CDH20: variants seen among roughly 807,000 people sequenced by gnomAD.
CDH20 encodes the protein cadherin-20.
A neutral mutation model predicts 74.2 loss-of-function variants in CDH20; 29 were observed. The ratio of observed to expected loss-of-function variants is 0.39; its 90% CI spans 0.29 to 0.53. The LOEUF is 0.53. Among genes scored for constraint, CDH20 ranks in the 20% least tolerant of loss-of-function variants. The pLI, the probability that CDH20 is intolerant of heterozygous loss-of-function variation, is 0.69. For missense variants in CDH20, 988 were observed against 1,048.3 expected, an observed-to-expected ratio of 0.94 and a Z score of 0.79; for synonymous variants, 469 against 405.4, an observed-to-expected ratio of 1.16 and a Z score of -1.88.
intron 1 of CDH20, among the ~76,000 whole-genome samples, chr18:61,338,101 AT>A (rs1285993100): frequency 2.0e-5 from 3 of 152,200 alleles, no homozygotes; most frequent in African/African-American, 7.2e-5. Flanking sequence ...AGTTTATTTT[AT>A]CCATCACAAA....
At chr18:61,471,108 T>C (rs1473346935) in intron 1 of CDH20, among the ~76,000 whole-genome samples, 6 of 152,260 alleles carry the variant, frequency 3.9e-5, no homozygotes, top group Non-Finnish European at 4.4e-5. Flanking sequence ...GTACTTCTTT[T>C]TGAAATGGCA....
chr18:61,356,351 T>C (rs1390236672), intron 1 of CDH20, among the ~76,000 whole-genome samples: 1 of 152,242 alleles, frequency 6.6e-6, no homozygotes, highest in Non-Finnish European at 1.5e-5. Context: ...TTTTAAAATA[T>C]ATTTTTCTCA....
intron 5 of CDH20, among the ~76,000 whole-genome samples, chr18:61,504,329 A>G (rs1911485787): frequency 6.6e-6 from 1 of 152,192 alleles, no homozygotes; most frequent in African/African-American, 2.4e-5. Context: ...CAAATGAGGA[A>G]ACATGGACTT....
chr18:61,396,475 A>C (rs1019086502), intron 1 of CDH20, among the ~76,000 whole-genome samples: 2 of 151,982 alleles, frequency 1.3e-5, no homozygotes, highest in Non-Finnish European at 2.9e-5. Flanking sequence ...TTCAAACTCA[A>C]CCTCATCACA....
intron 1 of CDH20, among the ~76,000 whole-genome samples, chr18:61,479,176 T>C (rs1404425469): frequency 6.6e-6 from 1 of 152,064 alleles, no homozygotes; most frequent in African/African-American, 2.4e-5. Context: ...AATTTTTGAG[T>C]CAGTTTTTAT....
rs1017569482 is a variant in CDH20 at position 61,422,598 on chromosome 18, C to T, written c.-152-67804C>T. Among the ~76,000 whole-genome samples, 4 of 152,004 alleles carry T rather than the reference C, an allele frequency of 2.6e-5. No homozygotes were observed. In the East Asian group the frequency reaches 7.7e-4, roughly 29 times the overall value. On this transcript the variant is annotated intron_variant, in intron 1 of 11. Transcript: ENST00000262717. The stretch of plus-strand genomic sequence containing the variant: ...CATTTTTTAAAAAACCTCAAACTTT[C>T]TATGTTCAGGGAAGTATTTTTACTC...
chr18:61,340,254 T>C (rs1401681835), intron 1 of CDH20, among the ~76,000 whole-genome samples: 2 of 71,646 alleles, frequency 2.8e-5, no homozygotes, highest in South Asian at 9.9e-4. Flanking sequence ...TGACCTTAGC[T>C]GAATGAACAA....
chr18:61,386,815 G>T (rs895650073), intron 1 of CDH20, among the ~76,000 whole-genome samples: 9 of 152,016 alleles, frequency 5.9e-5, no homozygotes, highest in Non-Finnish European at 1.3e-4. Context: ...ATTAAAAAAG[G>T]ATAGAATATT....
At chr18:61,461,889 C>T (rs755218083) in intron 1 of CDH20, among the ~76,000 whole-genome samples, 11 of 152,202 alleles carry the variant, frequency 7.2e-5, no homozygotes, top group Non-Finnish European at 1.2e-4. Flanking sequence ...CCTATGCGAA[C>T]GTCTGATTGG....
At position 61,393,019 on chromosome 18, in the gene CDH20, C is replaced by A. The variant is rs1157423529; in HGVS notation, c.-153+59192C>A. On this transcript the variant is annotated intron_variant, in intron 1 of 11. Transcript: ENST00000262717. ...TGGAATTCTGATGCTGAGAACCAGACCCTCTTGAACCTAGTGGCCTTATTT... is the reference window on the plus strand; with the variant it reads ...TGGAATTCTGATGCTGAGAACCAGAACCTCTTGAACCTAGTGGCCTTATTT... 3.3e-5 allele frequency among the ~76,000 whole-genome samples: 5 copies of A among 152,182 alleles called. No individual in the cohort carries two copies. The South Asian group carries it at 1.0e-3, about 32-fold the overall frequency.
chr18:61,347,323 C>CATATATATATATATATAT (rs1568104164), intron 1 of CDH20, among the ~76,000 whole-genome samples: 13 of 68,322 alleles, frequency 1.9e-4, no homozygotes, highest in African/African-American at 8.7e-4. Context: ...TATATATACA[C>CATATATATATATATATAT]ACACACACAC....
intron 4 of CDH20, among the ~76,000 whole-genome samples, chr18:61,501,926 C>G (rs949598875): frequency 6.6e-6 from 1 of 152,064 alleles, no homozygotes; most frequent in African/African-American, 2.4e-5. Flanking sequence ...AATACATGAA[C>G]AGAGAGTTAT....
At position 61,499,298 on chromosome 18, in the gene CDH20, A is replaced by C; in HGVS notation, c.359A>C (p.Gln120Pro). The change falls in exon 3 of 12, where the codon CAG (glutamine) becomes CCG (proline). Residue 120 changes from glutamine to proline, a missense_variant. Physicochemically the swap from Gln to Pro is moderately conservative, Grantham distance 76. Around this residue, in one of 2 missense-constraint regions of CDH20, gnomAD observed 613 missense variants for 755.2 expected, o/e 0.81. Transcript: ENST00000262717. ...ACCACTGGAGACATCCACGCCATTC[A>C]GAGGCTCGACCGAGAGGAAAGAGCC... is the stretch of plus-strand genomic sequence containing the variant. ...DDTTGDIHAI[Q>P]RLDREERAQY... The C allele has an allele frequency of 6.2e-7, 1 of 1,614,066 alleles. No individual in the cohort carries two copies. The highest frequency in any genetic ancestry group is 8.5e-7 in the Non-Finnish European group (1 of 1,179,972).
chr18:61,492,648 T>G (rs1029015466), intron 2 of CDH20, among the ~76,000 whole-genome samples: 20 of 152,182 alleles, frequency 1.3e-4, no homozygotes, highest in African/African-American at 4.6e-4. Flanking sequence ...AGCACTGCCT[T>G]TACTGCTCCC....
intron 1 of CDH20, among the ~76,000 whole-genome samples, chr18:61,427,972 T>C (rs1913129145): frequency 6.6e-6 from 1 of 152,196 alleles, no homozygotes; most frequent in Admixed American, 6.5e-5. Context: ...TTTCTGGTGT[T>C]GTCATGAGTG....
At chr18:61,517,816 G>A (rs926696715) in intron 6 of CDH20, among the ~76,000 whole-genome samples, 2 of 152,120 alleles carry the variant, frequency 1.3e-5, no homozygotes, top group Non-Finnish European at 2.9e-5. Flanking sequence ...GAGCCAAGTG[G>A]TCTAGCTCAG....
intron 1 of CDH20, among the ~76,000 whole-genome samples, chr18:61,481,564 C>G (rs184387043): frequency 1.3e-5 from 2 of 152,274 alleles, no homozygotes; most frequent in Admixed American, 6.5e-5. Context: ...TAATAAACAT[C>G]AGTGAGATTT....
At chr18:61,412,865 A>G (rs1354278734) in intron 1 of CDH20, among the ~76,000 whole-genome samples, 2 of 152,212 alleles carry the variant, frequency 1.3e-5, no homozygotes, top group Non-Finnish European at 2.9e-5. Context: ...CCAAGGAAGG[A>G]TACACACAAG....
chr18:61,441,543 A>G (rs777997432), intron 1 of CDH20, among the ~76,000 whole-genome samples: 16 of 152,278 alleles, frequency 1.1e-4, no homozygotes, highest in Admixed American at 3.9e-4. Flanking sequence ...ACACACAGAA[A>G]GTTTCCAATA....
Sources: gnomAD v4.1 joint callset for allele counts (sites outside exome capture counted in the v4.1 genomes callset) on GRCh38, gnomAD v4.1.1 for gene constraint, gnomAD v4.1.1 regional missense constraint, MANE v1.5 for transcripts, NCBI Gene and HGNC (gene_info 2026-07-23, HGNC 2026-07-21) for gene names.